NEGR1: variants seen among roughly 807,000 people sequenced by gnomAD.
NEGR1 encodes the protein IgLON family member 4.
Under a neutral mutation model 40.9 loss-of-function variants are expected in NEGR1, and 10 were observed. The observed-to-expected ratio is 0.24, with a 90% CI of 0.15 to 0.42. The LOEUF is 0.42. Among genes scored for constraint, NEGR1 ranks in the 10% least tolerant of loss-of-function variants. The pLI is 1.00. For missense variants in NEGR1, 352 were observed against 438.9 expected, an observed-to-expected ratio of 0.80 and a Z score of 1.77; for synonymous variants, 185 against 166.8, an observed-to-expected ratio of 1.11 and a Z score of -0.84.
chr1:71,725,659 T>C (rs1654646221), intron 3 of NEGR1, among the ~76,000 whole-genome samples: 1 of 152,148 alleles, frequency 6.6e-6, no homozygotes, highest in Admixed American at 6.6e-5. Context: ...CCAGAATGCA[T>C]CCTCACGAAA....
chr1:71,647,313 G>T lies in NEGR1; in HGVS notation c.668-36167C>A, dbSNP rs12569248. Reference sequence around the variant, plus strand: ...GTAATCATTTTTTTCCAGCCCAGGGGTCCTTAACATAGCCTTACAAATAAC... The same window carrying T: ...GTAATCATTTTTTTCCAGCCCAGGGTTCCTTAACATAGCCTTACAAATAAC... On this transcript the variant is annotated intron_variant, in intron 4 of 6. Coordinates refer to ENST00000357731, the MANE Select transcript of NEGR1 (RefSeq NM_173808.3). Among the ~76,000 whole-genome samples the T allele has an allele frequency of 1.8e-4, 27 of 151,910 alleles. No individual in the cohort carries two copies. The Middle Eastern group carries it at 0.017, about 96-fold the overall frequency.
chr1:72,256,398 G>A (rs1042129061), intron 1 of NEGR1, among the ~76,000 whole-genome samples: 6 of 152,144 alleles, frequency 3.9e-5, no homozygotes, highest in African/African-American at 4.8e-5. Flanking sequence ...TGGCCAGATC[G>A]TTTTCCTCTA....
chr1:72,082,964 T>C (rs1160340386), intron 1 of NEGR1, among the ~76,000 whole-genome samples: 1 of 152,132 alleles, frequency 6.6e-6, no homozygotes, highest in Non-Finnish European at 1.5e-5. Context: ...CTTACCATTG[T>C]TATAAGTGGT....
At chr1:71,443,564 A>T (rs1397986849) in intron 6 of NEGR1, among the ~76,000 whole-genome samples, 3 of 152,212 alleles carry the variant, frequency 2.0e-5, no homozygotes, top group Non-Finnish European at 4.4e-5. Context: ...TTTCTTGATC[A>T]GATGCATGAA....
At chr1:72,011,477 G>A (rs1419533800) in intron 1 of NEGR1, among the ~76,000 whole-genome samples, 3 of 151,944 alleles carry the variant, frequency 2.0e-5, no homozygotes, top group Non-Finnish European at 2.9e-5. Context: ...AGATTTTTAA[G>A]GTTAAACCAC....
At chr1:71,839,944 G>A (rs562543172) in intron 2 of NEGR1, among the ~76,000 whole-genome samples, 8 of 152,210 alleles carry the variant, frequency 5.3e-5, no homozygotes, top group East Asian at 3.9e-4. Flanking sequence ...TCTTAGTGGC[G>A]ATTTCTTCTT....
At chr1:72,076,185 A>G (rs1305653272) in intron 1 of NEGR1, among the ~76,000 whole-genome samples, 3 of 152,162 alleles carry the variant, frequency 2.0e-5, no homozygotes, top group African/African-American at 7.2e-5. Context: ...ATATGTTGGA[A>G]TCTTAATGTG....
intron 1 of NEGR1, among the ~76,000 whole-genome samples, chr1:72,028,580 C>T (rs1187388116): frequency 2.6e-5 from 4 of 152,240 alleles, no homozygotes; most frequent in African/African-American, 7.2e-5. Context: ...CTCAGCACAT[C>T]ACACTGAGTT....
chr1:72,079,794 TAA>T (rs1018931285), intron 1 of NEGR1, among the ~76,000 whole-genome samples: 1 of 152,146 alleles, frequency 6.6e-6, no homozygotes, highest in Non-Finnish European at 1.5e-5. Context: ...TCTATGTATT[TAA>T]AAGTGTTCTA....
chr1:71,731,134 G>A (rs983645910), intron 3 of NEGR1, among the ~76,000 whole-genome samples: 2 of 151,920 alleles, frequency 1.3e-5, no homozygotes, highest in African/African-American at 4.8e-5. Flanking sequence ...TAAGATCAAG[G>A]TTATCATTCT....
intron 6 of NEGR1, among the ~76,000 whole-genome samples, chr1:71,467,332 A>G (rs1646753397): frequency 6.6e-6 from 1 of 152,090 alleles, no homozygotes; most frequent in South Asian, 2.1e-4. Flanking sequence ...AAGGAAATGA[A>G]AAACAAAGAA....
chr1:71,703,266 C>A (rs1294940478), intron 3 of NEGR1: 7 of 151,896 alleles, frequency 4.6e-5, no homozygotes, highest in African/African-American at 1.7e-4. Context: ...TTTGGCCTAT[C>A]CTTTAAAGCT....
chr1:71,961,893 C>A (rs1553125570), intron 1 of NEGR1, among the ~76,000 whole-genome samples: 1 of 151,996 alleles, frequency 6.6e-6, no homozygotes, highest in Non-Finnish European at 1.5e-5. Context: ...AGCCACATAA[C>A]TTCTCTAAGC....
At chr1:71,900,194 T>C (rs930128899) in intron 2 of NEGR1, among the ~76,000 whole-genome samples, 6 of 152,160 alleles carry the variant, frequency 3.9e-5, no homozygotes, top group African/African-American at 1.4e-4. Context: ...GATTAAGAAC[T>C]CTTGTAAGGG....
chr1:72,231,877 A>G (rs1446238571), intron 1 of NEGR1, among the ~76,000 whole-genome samples: 1 of 152,200 alleles, frequency 6.6e-6, no homozygotes, highest in African/African-American at 2.4e-5. Context: ...TGCTTTTAGC[A>G]TAAATTTGGT....
At chr1:71,602,070 C>G (rs913967375) in intron 5 of NEGR1, among the ~76,000 whole-genome samples, 1 of 152,030 alleles carries the variant, frequency 6.6e-6, no homozygotes, top group Non-Finnish European at 1.5e-5. Context: ...GGAATCCAGT[C>G]CAAATGCCTT....
chr1:71,612,155 AAGCTTGCAGTG>A (rs1188418699), intron 4 of NEGR1, among the ~76,000 whole-genome samples: 1 of 152,128 alleles, frequency 6.6e-6, no homozygotes, highest in Non-Finnish European at 1.5e-5. Context: ...CCAGGGGGCA[AAGCTTGCAGTG>A]AGCCGAGATT....
chr1:71,699,684 C>G (rs2783045), intron 3 of NEGR1, among the ~76,000 whole-genome samples: 2,529 of 151,904 alleles, frequency 0.017, 60 homozygotes, highest in African/African-American at 0.058. Flanking sequence ...GATGTGAAGA[C>G]ATGAGATTTG....
intron 6 of NEGR1, among the ~76,000 whole-genome samples, chr1:71,545,074 A>G (rs1046900109): frequency 6.6e-6 from 1 of 151,644 alleles, no homozygotes; most frequent in Non-Finnish European, 1.5e-5. Flanking sequence ...GCTGAGTGCT[A>G]TGTTAGATGA....
Sources: gnomAD v4.1 joint callset for allele counts (sites outside exome capture counted in the v4.1 genomes callset) on GRCh38, gnomAD v4.1.1 for gene constraint, MANE v1.5 for transcripts, NCBI Gene and HGNC (gene_info 2026-07-23, HGNC 2026-07-21) for gene names.